The following DIAPH3 variants were observed in gnomAD, a reference collection of about 807,000 sequenced individuals.
DIAPH3 encodes protein diaphanous homolog 3.
In DIAPH3, 117 loss-of-function variants were observed where a neutral mutation model predicts 144.3. The observed-to-expected ratio is 0.81, with a 90% CI of 0.70 to 0.95. DIAPH3 has a LOEUF of 0.95. DIAPH3 is among the 40% of genes least tolerant of loss of function. The pLI, the probability that DIAPH3 is intolerant of heterozygous loss-of-function variation, is 0.00. For missense variants in DIAPH3, 1,421 were observed against 1,412.7 expected (o/e 1.01, Z -0.09); for synonymous variants, 519 against 488.9 (o/e 1.06, Z -0.81).
chr13:60,124,418 G>A (rs527719873), intron 2 of DIAPH3, among the ~76,000 whole-genome samples: 1 of 152,258 alleles, frequency 6.6e-6, no homozygotes, highest in Admixed American at 6.5e-5. Context: ...TCCTTTAACA[G>A]ATGACCTCTC....
Position 59,911,715 on chromosome 13 carries a change from C to G in DIAPH3, c.2367+20G>C. 6.3e-7 allele frequency: 1 copy of G among 1,590,322 alleles called. No individual in the cohort carries two copies. On this transcript the variant is annotated intron_variant, in intron 20 of 27. Transcript: ENST00000400324. Reference sequence around the variant, plus strand: ...TTGTTTGGCACAGTATAAAAATCCTCTCTGAGACTCGGTACTTACCACAAC... The same window carrying G: ...TTGTTTGGCACAGTATAAAAATCCTGTCTGAGACTCGGTACTTACCACAAC...
chr13:59,721,218 T>C (rs573379132), intron 27 of DIAPH3, among the ~76,000 whole-genome samples: 1 of 152,190 alleles, frequency 6.6e-6, no homozygotes, highest in Non-Finnish European at 1.5e-5. Flanking sequence ...TATAACCAGC[T>C]GATATGAAAA....
At chr13:59,920,149 A>G (rs1195939391) in intron 18 of DIAPH3, among the ~76,000 whole-genome samples, 1 of 151,984 alleles carries the variant, frequency 6.6e-6, no homozygotes, top group East Asian at 1.9e-4. Flanking sequence ...AAAAGGATCT[A>G]CAAAACAACT....
At chr13:59,765,181 C>T (rs2037807288) in intron 27 of DIAPH3, among the ~76,000 whole-genome samples, 1 of 152,106 alleles carries the variant, frequency 6.6e-6, no homozygotes, top group African/African-American at 2.4e-5. Context: ...GTTTATATTA[C>T]TTCCGGTATT....
chr13:59,861,334 A>G (rs1165247648), intron 22 of DIAPH3, 73 bp downstream of exon 22: 1 of 1,610,240 alleles, frequency 6.2e-7, no homozygotes, highest in Non-Finnish European at 8.5e-7. Context: ...GTACATACAA[A>G]TAAAAGGTAT....
intron 22 of DIAPH3, among the ~76,000 whole-genome samples, chr13:59,848,432 C>A (rs2042786163): frequency 6.6e-6 from 1 of 151,384 alleles, no homozygotes. Context: ...CGTCATCTAG[C>A]CTTAGGTATA....
At chr13:60,053,544 C>T (rs1344827166) in intron 4 of DIAPH3, among the ~76,000 whole-genome samples, 1 of 151,954 alleles carries the variant, frequency 6.6e-6, no homozygotes, top group Non-Finnish European at 1.5e-5. Flanking sequence ...CATTTCTGTT[C>T]GTCTAAAACT....
At chr13:59,764,240 G>T (rs933311364) in intron 27 of DIAPH3, among the ~76,000 whole-genome samples, 1 of 151,934 alleles carries the variant, frequency 6.6e-6, no homozygotes, top group Non-Finnish European at 1.5e-5. Flanking sequence ...TCTCCTGGAA[G>T]GGTGGGAGAA....
intron 27 of DIAPH3, among the ~76,000 whole-genome samples, chr13:59,670,812 T>C (rs943244961): frequency 1.3e-5 from 2 of 152,264 alleles, no homozygotes; most frequent in Non-Finnish European, 2.9e-5. Flanking sequence ...CTCGATCTCC[T>C]GACCTCGTGA....
In DIAPH3 at chr13:59,839,435, C is replaced by T. The variant is rs369010114; in HGVS notation, c.2751G>A (p.Thr917=). ...LDKASKVSVE[T]LEKNLRQMGR... ...CCATCTGCCTCAAATTCTTTTCCAG[C>T]GTTTCTACAGAGACTAAAAGAGAGT... is the stretch of plus-strand genomic sequence containing the variant. The change falls in exon 23 of 28, where the codon ACG becomes ACA. Residue 917 remains threonine (T), a synonymous_variant. Coordinates refer to ENST00000400324, the MANE Select transcript of DIAPH3 (RefSeq NM_001042517.2). 1.1e-5 allele frequency: 18 copies of T among 1,612,910 alleles called. No individual in the cohort carries two copies. In the Admixed American group the frequency reaches 1.7e-4, roughly 15 times the overall value.
At chr13:59,782,156 T>TAAAA (rs111792492) in intron 25 of DIAPH3, among the ~76,000 whole-genome samples, 9,675 of 151,178 alleles carry the variant, frequency 0.064, 392 homozygotes, top group South Asian at 0.14. Context: ...ACTTAAAAAT[T>TAAAA]AAAAGAAGAA....
At chr13:59,820,066 T>C (rs1716250565) in intron 24 of DIAPH3, among the ~76,000 whole-genome samples, 1 of 151,948 alleles carries the variant, frequency 6.6e-6, no homozygotes, top group African/African-American at 2.4e-5. Flanking sequence ...ATCAACAATT[T>C]TTTATTATTA....
At chr13:59,875,951 G>C (rs2044601179) in intron 21 of DIAPH3, among the ~76,000 whole-genome samples, 1 of 151,992 alleles carries the variant, frequency 6.6e-6, no homozygotes, top group Admixed American at 6.6e-5. Flanking sequence ...AAGTATTCAT[G>C]CTCTTATTTC....
chr13:59,951,641 A>G (rs1304911077), intron 17 of DIAPH3, among the ~76,000 whole-genome samples: 1 of 152,314 alleles, frequency 6.6e-6, no homozygotes. Flanking sequence ...TAGTTTCTAT[A>G]ATAGGCATTA....
intron 9 of DIAPH3, among the ~76,000 whole-genome samples, chr13:60,000,799 T>C (rs1317582408): frequency 6.6e-6 from 1 of 152,192 alleles, no homozygotes; most frequent in Non-Finnish European, 1.5e-5. Context: ...TTGGAAATCA[T>C]GTTTTCCCTT....
chr13:59,996,253 T>C (rs1311390572), intron 9 of DIAPH3, among the ~76,000 whole-genome samples: 1 of 152,044 alleles, frequency 6.6e-6, no homozygotes, highest in Non-Finnish European at 1.5e-5. Context: ...TGCTGTAAAA[T>C]ATTCTCCTCT....
Position 59,911,793 on chromosome 13 carries a change from A to T in DIAPH3, c.2309T>A (p.Leu770Ter). The change falls in exon 20 of 28, where the codon TTG (leucine) becomes TAG (stop). Residue 770 changes from leucine to a stop codon, truncating the protein, a stop_gained. Coordinates refer to ENST00000400324, the MANE Select transcript of DIAPH3 (RefSeq NM_001042517.2). LOFTEE classifies it high-confidence loss of function. ...HLPDQEQLNS[L>*]SQFKSEYSNL... Reference sequence around the variant, plus strand: ...GCTATATTCACTCTTGAACTGAGACAATGAATTTAATTGCTCTTGATCAGG... The same window carrying T: ...GCTATATTCACTCTTGAACTGAGACTATGAATTTAATTGCTCTTGATCAGG... 6.2e-7 allele frequency: 1 copy of T among 1,613,614 alleles called. No individual in the cohort carries two copies. The highest frequency in any genetic ancestry group is 8.5e-7 in the Non-Finnish European group (1 of 1,179,664).
intron 17 of DIAPH3, among the ~76,000 whole-genome samples, chr13:59,946,378 G>A (rs990039755): frequency 3.3e-5 from 5 of 151,946 alleles, no homozygotes; most frequent in African/African-American, 1.2e-4. Flanking sequence ...ATTAATGATG[G>A]GGAAAGTGAT....
intron 4 of DIAPH3, among the ~76,000 whole-genome samples, chr13:60,092,274 A>C (rs537070000): frequency 1.3e-5 from 2 of 152,168 alleles, no homozygotes; most frequent in South Asian, 4.2e-4. Context: ...CCCAATACCA[A>C]TTTGTGATAT....
Sources: gnomAD v4.1 joint callset for allele counts (sites outside exome capture counted in the v4.1 genomes callset) on GRCh38, gnomAD v4.1.1 for gene constraint, MANE v1.5 for transcripts, NCBI Gene and HGNC (gene_info 2026-07-23, HGNC 2026-07-21) for gene names.